GSR: variants seen among roughly 807,000 people sequenced by gnomAD.
GSR encodes the protein glutathione reductase, mitochondrial.
In GSR, 48 loss-of-function variants were observed where a neutral mutation model predicts 56.5. The ratio of observed to expected loss-of-function variants is 0.85; its 90% confidence interval spans 0.67 to 1.08. The LOEUF is 1.08. Ranked by LOEUF, GSR falls within the 50% of genes least tolerant of loss-of-function variation. The probability of loss-of-function intolerance (pLI) is 0.00; values close to 1 mark genes in which losing one functional copy is unlikely to be tolerated. For missense variants in GSR, 694 were observed against 703.3 expected (o/e 0.99, Z 0.15); for synonymous variants, 264 against 270.8 (o/e 0.97, Z 0.25).
chr8:30,696,627 A>C, intron 6 of GSR, 148 bp from the exon 7 acceptor site: 1 of 680,168 alleles, frequency 1.5e-6, no homozygotes, highest in East Asian at 2.7e-5. Context: ...TTACTTAATT[A>C]GGATACCTTT....
rs1449447873 is a variant in GSR, at chr8:30,727,707, G to A, written c.129C>T (p.Ala43=). Residue 43 remains alanine, a synonymous_variant, in exon 1 of 13, where the codon GCC becomes GCT. Coordinates refer to ENST00000221130, the MANE Select transcript of GSR (RefSeq NM_000637.5). ...PAALTRALSR[A]MACRQEPQPQ... ...GCTGCGGCTCCTGCCTGCAGGCCAT[G>A]GCACGGGAGAGGGCGCGCGTGAGGG... is the stretch of plus-strand genomic sequence containing the variant. 13 of 1,422,542 alleles carry A rather than the reference G, an allele frequency of 9.1e-6. No homozygotes were observed. The highest frequency in any genetic ancestry group is 1.2e-5 in the Non-Finnish European group (13 of 1,096,022). 88.1% of individuals were successfully genotyped at this position (1,422,542 alleles called of 1,614,324 possible). A position where few individuals can be genotyped will look rare whatever the true frequency, so the allele number is the denominator to read the frequency against.
chr8:30,699,401 G>GT (rs1348133759), intron 6 of GSR, among the ~76,000 whole-genome samples: 2 of 151,884 alleles, frequency 1.3e-5, no homozygotes, highest in Non-Finnish European at 2.9e-5. Context: ...CTGAGGTCAG[G>GT]AGTTTGAGAC....
chr8:30,688,891 C>G (rs1302343514), intron 9 of GSR, among the ~76,000 whole-genome samples: 12 of 151,802 alleles, frequency 7.9e-5, no homozygotes, highest in Admixed American at 7.9e-4. Flanking sequence ...CCACTGAACT[C>G]CAGCCTGGGT....
intron 1 of GSR, among the ~76,000 whole-genome samples, chr8:30,720,950 C>G (rs1009473425): frequency 6.6e-6 from 1 of 152,040 alleles, no homozygotes; most frequent in East Asian, 1.9e-4. Context: ...ACAGCGAGAC[C>G]CCATCACCAC....
At chr8:30,724,802 C>T (rs1004120152) in intron 1 of GSR, among the ~76,000 whole-genome samples, 3 of 152,196 alleles carry the variant, frequency 2.0e-5, no homozygotes, top group African/African-American at 4.8e-5. Context: ...TCCCAAAGTG[C>T]TGGCGTGAGC....
chr8:30,684,874 G>T (rs1335343284), intron 9 of GSR, among the ~76,000 whole-genome samples: 2 of 152,014 alleles, frequency 1.3e-5, no homozygotes. Flanking sequence ...TTAGCCTCCC[G>T]AGTAGCTAGA....
intron 1 of GSR, among the ~76,000 whole-genome samples, chr8:30,726,161 C>T (rs1804716653): frequency 6.6e-6 from 1 of 152,160 alleles, no homozygotes; most frequent in African/African-American, 2.4e-5. Context: ...CTCTTCATCT[C>T]CATGTTCATC....
chr8:30,704,482 G>C (rs1803859007), intron 4 of GSR, among the ~76,000 whole-genome samples: 1 of 152,318 alleles, frequency 6.6e-6, no homozygotes, highest in African/African-American at 2.4e-5. Context: ...TACCACAAAA[G>C]TACATGACAC....
chr8:30,696,137 G>A (rs1803534554), intron 7 of GSR, among the ~76,000 whole-genome samples: 1 of 152,156 alleles, frequency 6.6e-6, no homozygotes, highest in Non-Finnish European at 1.5e-5. Flanking sequence ...GGCATCTCAT[G>A]ACTATCTACC....
Position 30,702,986 on chromosome 8 carries a change from C to G in GSR, c.640+107G>C, listed in dbSNP as rs984447735. 9.3e-6 allele frequency: 11 copies of G among 1,185,306 alleles called. No homozygotes were observed. The African/African-American group carries it at 1.3e-4, about 15-fold the overall frequency. 73.4% of individuals were successfully genotyped at this position (1,185,306 alleles called of 1,614,324 possible). The stretch of plus-strand genomic sequence containing the variant: ...GCAGAGACCTTCTCCCATGGCCTGG[C>G]TCCAAAGAGAGAACTGGTTTAGGCA... On this transcript the variant is annotated intron_variant, in intron 5 of 12. Coordinates refer to ENST00000221130, the MANE Select transcript of GSR (RefSeq NM_000637.5).
In GSR at chr8:30,692,998, C is replaced by A; in HGVS notation, c.853G>T (p.Ala285Ser). The A allele has an allele frequency of 6.2e-7, 1 of 1,612,304 alleles. No homozygotes were observed. The highest frequency in any genetic ancestry group is 8.5e-7 in the Non-Finnish European group (1 of 1,178,820). Reference sequence around the variant, plus strand: ...GAGAACTTCAGCACCTCCACGCCAGCGTTCTCCAGCTCCTCCGTGCAGTTG... The same window carrying A: ...GAGAACTTCAGCACCTCCACGCCAGAGTTCTCCAGCTCCTCCGTGCAGTTG... ...STNCTEELEN[A>S]GVEVLKFSQV... Residue 285 changes from alanine to serine, a missense_variant, in exon 8 of 13, where the codon GCT (alanine) becomes TCT (serine). Ala to Ser is a moderately conservative substitution (Grantham distance 99). Coordinates refer to ENST00000221130, the MANE Select transcript of GSR (RefSeq NM_000637.5).
chr8:30,696,282 C>T lies in GSR; in HGVS notation c.795+98G>A, dbSNP rs1297013955. 1.5e-5 allele frequency: 13 copies of T among 877,170 alleles called. No individual in the cohort carries two copies. In the South Asian group the frequency reaches 1.7e-4, roughly 12 times the overall value. The allele number at this position is 877,170 out of a possible 1,614,324, so 54.3% of individuals were successfully genotyped here. ...TGAAACCAACCAAATGACCCCCACA[C>T]CTGCTTTGCACCCTAGTATTTAACG... On this transcript the variant is annotated intron_variant, in intron 7 of 12. Transcript: ENST00000221130.
chr8:30,689,340 T>C, intron 8 of GSR, 21 bp from the exon 9 acceptor site: 1 of 1,610,140 alleles, frequency 6.2e-7, no homozygotes, highest in African/African-American at 1.3e-5. Context: ...ATAAAATGTG[T>C]TACACATGTG....
In GSR at chr8:30,703,135, T is replaced by G. The variant is rs781501214; in HGVS notation, c.598A>C (p.Thr200Pro). The stretch of plus-strand genomic sequence containing the variant: ...TGAGGGGTGGAGGGCATACCACCTG[T>G]GGCGATCAGGATGTGTGGGGCGGTG... ...KYTAPHILIA[T>P]GGMPSTPHES... is the part of the protein sequence containing the mutation. Residue 200 changes from threonine (T) to proline (P), a missense_variant, in exon 5 of 13, where the codon ACA becomes CCA. Thr to Pro is a conservative substitution (Grantham distance 38, BLOSUM62 -1). Coordinates refer to ENST00000221130, the MANE Select transcript of GSR (RefSeq NM_000637.5). 1.3e-5 allele frequency: 21 copies of G among 1,614,144 alleles called. No homozygotes were observed. In the Admixed American group the frequency reaches 3.5e-4, roughly 27 times the overall value.
intron 9 of GSR, among the ~76,000 whole-genome samples, chr8:30,688,933 G>GA (rs1479151546): frequency 6.8e-6 from 1 of 146,512 alleles, no homozygotes; most frequent in Non-Finnish European, 1.5e-5. Context: ...AAAACAAAAA[G>GA]AAAAAAACAA....
chr8:30,688,629 C>T (rs903198194), intron 9 of GSR, among the ~76,000 whole-genome samples: 3 of 142,258 alleles, frequency 2.1e-5, no homozygotes, highest in Middle Eastern at 4.6e-3. Context: ...AAAGGCCAGA[C>T]GTGGCGGCCT....
intron 12 of GSR, among the ~76,000 whole-genome samples, chr8:30,680,445 A>G (rs1213202106): frequency 8.5e-6 from 1 of 117,138 alleles, no homozygotes; most frequent in African/African-American, 3.3e-5. Flanking sequence ...CCCAGGCTGG[A>G]GGGCAGTAGC....
At chr8:30,682,791 C>T (rs1465478) in intron 10 of GSR, among the ~76,000 whole-genome samples, 86,211 of 151,280 alleles carry the variant, frequency 0.57, 24,568 homozygotes, top group Middle Eastern at 0.67. Context: ...TGAGCCACTG[C>T]GCCTAGAATC....
At chr8:30,712,862 T>C (rs1804203236) in intron 1 of GSR, among the ~76,000 whole-genome samples, 1 of 152,202 alleles carries the variant, frequency 6.6e-6, no homozygotes, top group Non-Finnish European at 1.5e-5. Context: ...TTATAACTAC[T>C]AGGCATTTGG....
Sources: allele counts gnomAD v4.1 joint callset (sites outside exome capture counted in the v4.1 genomes callset), GRCh38; gene constraint gnomAD v4.1.1; transcripts MANE v1.5; gene names NCBI Gene and HGNC (gene_info 2026-07-23, HGNC 2026-07-21).